Variants in ZGRF1 observed in about 807,000 individuals in gnomAD.
The protein encoded by ZGRF1 is zinc finger GRF-type containing 1, also known as 5'-3' DNA helicase ZGRF1.
In ZGRF1, 196 loss-of-function variants were observed where a neutral mutation model predicts 203.5. The observed-to-expected ratio is 0.96, with a 90% confidence interval of 0.86 to 1.08. ZGRF1 has a LOEUF of 1.08. Among genes scored for constraint, ZGRF1 ranks in the 50% least tolerant of loss-of-function variants. The pLI is 0.00. For missense variants in ZGRF1, 2,326 were observed against 2,416.3 expected, an observed-to-expected ratio of 0.96 and a Z score of 0.78; for synonymous variants, 809 against 841.3, an observed-to-expected ratio of 0.96 and a Z score of 0.66.
chr4:112,563,171 C>G lies in ZGRF1; in HGVS notation c.4542G>C (p.Leu1514=), dbSNP rs1469978341. Residue 1514 remains leucine (L), a synonymous_variant, in exon 17 of 28, where the codon CTG becomes CTC. Coordinates refer to ENST00000505019, the MANE Select transcript of ZGRF1 (RefSeq NM_018392.5). Reference sequence around the variant, plus strand: ...TAGAAGGGAAATAGCCTTTCAAAGGCAGTATTTCTATCTCATTGATAGATG... The same window carrying G: ...TAGAAGGGAAATAGCCTTTCAAAGGGAGTATTTCTATCTCATTGATAGATG... ...GPSSINEIEI[L]PLKGYFPSNW... is the part of the protein sequence containing the mutation. 1.9e-6 allele frequency: 3 copies of G among 1,549,894 alleles called. No homozygotes were observed. The highest frequency in any genetic ancestry group is 2.6e-6 in the Non-Finnish European group (3 of 1,145,672).
intron 6 of ZGRF1, among the ~76,000 whole-genome samples, chr4:112,613,762 C>T (rs546883399): frequency 3.3e-5 from 5 of 152,102 alleles, no homozygotes; most frequent in Middle Eastern, 3.4e-3. Context: ...ATCAGGTATC[C>T]ATTTAAAAAT....
intron 18 of ZGRF1, chr4:112,561,431 T>A (rs1047430675): frequency 1.9e-5 from 3 of 155,318 alleles, no homozygotes; most frequent in African/African-American, 7.2e-5. Context: ...TAAAACTACA[T>A]CACATGAATT....
intron 16 of ZGRF1, among the ~76,000 whole-genome samples, chr4:112,565,891 T>C (rs1053647504): frequency 3.3e-5 from 5 of 152,234 alleles, no homozygotes; most frequent in Non-Finnish European, 7.3e-5. Flanking sequence ...ACTTTTACAC[T>C]GTTGGTGGGA....
intron 9 of ZGRF1, 43 bp from the exon 10 acceptor site, chr4:112,603,740 T>C: frequency 6.9e-7 from 1 of 1,441,362 alleles, no homozygotes; most frequent in Non-Finnish European, 9.6e-7. Context: ...TAACTATATG[T>C]TGACATATAT....
chr4:112,635,003 G>A (rs1174558873), intron 1 of ZGRF1, among the ~76,000 whole-genome samples: 3 of 151,808 alleles, frequency 2.0e-5, no homozygotes, highest in Non-Finnish European at 4.4e-5. Flanking sequence ...GGTGGCACAG[G>A]CCTGTAGTCC....
chr4:112,563,362 G>A lies in ZGRF1; in HGVS notation c.4439-88C>T, dbSNP rs1054934704. 1.8e-4 allele frequency: 169 copies of A among 945,642 alleles called. 1 individual carries two copies. The highest frequency in any genetic ancestry group is 1.0e-3 in the Middle Eastern group (3 of 2,934). 58.6% of individuals were successfully genotyped at this position (945,642 alleles called of 1,614,324 possible). On this transcript the variant is annotated intron_variant, in intron 16 of 27. Transcript: ENST00000505019. ...AAATTATATATATTTGCATATGTGT[G>A]TACATATATCTATAGTACACATATA...
intron 6 of ZGRF1, among the ~76,000 whole-genome samples, chr4:112,615,320 C>T (rs181309880): frequency 1.8e-4 from 27 of 152,130 alleles, no homozygotes; most frequent in Admixed American, 5.2e-4. Context: ...TTCTGCCTCA[C>T]GGGTTCAAGC....
intron 16 of ZGRF1, among the ~76,000 whole-genome samples, chr4:112,569,999 T>C (rs1253503130): frequency 6.6e-6 from 1 of 152,046 alleles, no homozygotes; most frequent in African/African-American, 2.4e-5. Context: ...TTAAAACATA[T>C]ATGTACCCAA....
At chr4:112,606,477 C>T (rs906272492) in intron 8 of ZGRF1, among the ~76,000 whole-genome samples, 1 of 152,000 alleles carries the variant, frequency 6.6e-6, no homozygotes. Flanking sequence ...GCCTGACCAC[C>T]ATGGAGGAAC....
intron 9 of ZGRF1, among the ~76,000 whole-genome samples, chr4:112,604,077 A>C (rs1036138096): frequency 4.6e-5 from 7 of 152,128 alleles, no homozygotes; most frequent in African/African-American, 1.4e-4. Context: ...ATAAAAAATT[A>C]GCCAGGCGTG....
rs1359838487 is a variant in ZGRF1 at position 112,618,663 on chromosome 4, TG to T, written c.1378del (p.Gln460ArgfsTer3). 6.2e-7 allele frequency: 1 copy of T among 1,613,262 alleles called. No individual in the cohort carries two copies. The highest frequency in any genetic ancestry group is 1.7e-5 in the Admixed American group (1 of 60,008). On this transcript the variant is annotated frameshift_variant, in exon 6 of 28. Coordinates refer to ENST00000505019, the MANE Select transcript of ZGRF1 (RefSeq NM_018392.5). LOFTEE classifies it high-confidence loss of function. ...CAGTGTTCCACATGTATTTACCTCC[TG>T]AGCATTTTCTTTAATGAGAACTGAT... is the stretch of plus-strand genomic sequence containing the variant. ...KGSVLIKENA[Q>X]EVNTCGTLEK...
intron 12 of ZGRF1, among the ~76,000 whole-genome samples, chr4:112,587,062 A>G (rs1747308341): frequency 6.6e-6 from 1 of 152,224 alleles, no homozygotes; most frequent in Admixed American, 6.5e-5. Flanking sequence ...TTTACCAGAC[A>G]CTGCACCAGA....
chr4:112,575,873 G>GGCA (rs1421896190), intron 16 of ZGRF1, among the ~76,000 whole-genome samples: 1 of 152,224 alleles, frequency 6.6e-6, no homozygotes, highest in African/African-American at 2.4e-5. Context: ...CCAAACAAAA[G>GGCA]GCAACAGACA....
chr4:112,568,031 GA>G (rs1743462133), intron 16 of ZGRF1, among the ~76,000 whole-genome samples: 2 of 152,060 alleles, frequency 1.3e-5, no homozygotes, highest in South Asian at 4.1e-4. Context: ...TACATTTGAG[GA>G]ATCAATAGCC....
At chr4:112,559,505 TAA>T (rs1741542464) in intron 19 of ZGRF1, among the ~76,000 whole-genome samples, 2 of 152,206 alleles carry the variant, frequency 1.3e-5, no homozygotes, top group African/African-American at 4.8e-5. Context: ...GGGTTTGACT[TAA>T]TCAGATTGTG....
At position 112,564,903 on chromosome 4, in the gene ZGRF1, C is replaced by T. The variant is rs903599651; in HGVS notation, c.4439-1629G>A. The T allele has an allele frequency of 2.6e-4, 176 of 665,796 alleles. No individual in the cohort carries two copies. In the African/African-American group the frequency reaches 2.9e-3, roughly 11 times the overall value. The allele number at this position is 665,796 out of a possible 1,614,324, so 41.2% of individuals were successfully genotyped here. A position where few individuals can be genotyped will look rare whatever the true frequency, so the allele number is the denominator to read the frequency against. On this transcript the variant is annotated intron_variant, in intron 16 of 27. Coordinates refer to ENST00000505019, the MANE Select transcript of ZGRF1 (RefSeq NM_018392.5). ...GTGTTCGCAGCCGCCACCGCGCCGC[C>T]GTCGCTCTCCAACGCCAGCGCCGCC...
chr4:112,597,533 T>C (rs995848092), intron 10 of ZGRF1, among the ~76,000 whole-genome samples: 12 of 151,324 alleles, frequency 7.9e-5, no homozygotes, highest in Non-Finnish European at 1.6e-4. Context: ...CTAATAATAA[T>C]AATAATAGTA....
intron 7 of ZGRF1, among the ~76,000 whole-genome samples, chr4:112,610,554 G>A (rs779375403): frequency 1.3e-5 from 2 of 151,278 alleles, no homozygotes; most frequent in Non-Finnish European, 2.9e-5. Flanking sequence ...CTGGGCAATA[G>A]AGCAAGACTC....
intron 10 of ZGRF1, among the ~76,000 whole-genome samples, chr4:112,595,881 G>C (rs1396265194): frequency 1.3e-5 from 2 of 152,092 alleles, no homozygotes; most frequent in Non-Finnish European, 2.9e-5. Context: ...TAACAAACTG[G>C]TGCTTTTTAC....
Sources: allele counts gnomAD v4.1 joint callset (sites outside exome capture counted in the v4.1 genomes callset), GRCh38; gene constraint gnomAD v4.1.1; transcripts MANE v1.5; gene names NCBI Gene and HGNC (gene_info 2026-07-23, HGNC 2026-07-21).